Variants in EDIL3 observed in about 807,000 individuals in gnomAD.
EDIL3 encodes the protein EGF-like repeat and discoidin I-like domain-containing protein 3.
Under a neutral mutation model 67.4 loss-of-function variants are expected in EDIL3, and 37 were observed. That is an observed-to-expected ratio of 0.55 (90% CI 0.42 to 0.72). EDIL3 has a LOEUF of 0.72. Ranked by LOEUF, EDIL3 falls within the 30% of genes least tolerant of loss-of-function variation. The pLI is 0.00. For synonymous variants in EDIL3, 195 were observed against 196.3 expected, an observed-to-expected ratio of 0.99 and a Z score of 0.05; for missense variants, 527 against 586.3, an observed-to-expected ratio of 0.90 and a Z score of 1.04.
chr5:83,952,235 C>T (rs1744435480), intron 10 of EDIL3, among the ~76,000 whole-genome samples: 1 of 151,738 alleles, frequency 6.6e-6, no homozygotes. Context: ...ACCTTCCTTT[C>T]CCCAAGCTTG....
chr5:84,053,736 C>A lies in EDIL3; in HGVS notation c.1137+6564G>T, dbSNP rs1320353177. 2.6e-5 allele frequency among the ~76,000 whole-genome samples: 4 copies of A among 152,304 alleles called. No individual in the cohort carries two copies. In the East Asian group the frequency reaches 7.7e-4, roughly 29 times the overall value. On this transcript the variant is annotated intron_variant, in intron 9 of 10. Coordinates refer to ENST00000296591, the MANE Select transcript of EDIL3 (RefSeq NM_005711.5). The stretch of plus-strand genomic sequence containing the variant: ...AAATGGATAAATTCCTCAACACATA[C>A]ACTCTCCCAAGACTAAACCAGGAAG...
intron 9 of EDIL3, among the ~76,000 whole-genome samples, chr5:84,040,288 T>C (rs182402866): frequency 2.0e-5 from 3 of 152,256 alleles, no homozygotes; most frequent in Non-Finnish European, 4.4e-5. Context: ...CATCATGCAC[T>C]TACTTTACCC....
chr5:84,131,882 A>G (rs1226750624), intron 5 of EDIL3, among the ~76,000 whole-genome samples: 1 of 152,162 alleles, frequency 6.6e-6, no homozygotes, highest in Non-Finnish European at 1.5e-5. Context: ...AGCAATTTTC[A>G]GTGAACAAGT....
chr5:84,256,412 G>C (rs369631716), intron 1 of EDIL3, among the ~76,000 whole-genome samples: 1 of 152,196 alleles, frequency 6.6e-6, no homozygotes, highest in African/African-American at 2.4e-5. Context: ...TGTGGGACCA[G>C]TGGAGACTTT....
intron 1 of EDIL3, among the ~76,000 whole-genome samples, chr5:84,371,982 C>T (rs899662229): frequency 2.0e-5 from 3 of 151,854 alleles, no homozygotes; most frequent in Admixed American, 2.0e-4. Context: ...TTTATTAGTG[C>T]CAGAGATGGG....
chr5:84,162,878 GAAGC>G (rs1217707452), intron 4 of EDIL3, among the ~76,000 whole-genome samples: 1 of 152,118 alleles, frequency 6.6e-6, no homozygotes, highest in African/African-American at 2.4e-5. Flanking sequence ...GAAAGGCACT[GAAGC>G]AGCAGTCCAT....
At chr5:84,092,501 CTG>C (rs1257781806) in intron 6 of EDIL3, among the ~76,000 whole-genome samples, 4 of 152,250 alleles carry the variant, frequency 2.6e-5, no homozygotes, top group Non-Finnish European at 4.4e-5. Context: ...ATGCTAAAAA[CTG>C]TGTTAAAGTA....
At chr5:84,362,390 T>C (rs1442746702) in intron 1 of EDIL3, among the ~76,000 whole-genome samples, 4 of 152,176 alleles carry the variant, frequency 2.6e-5, no homozygotes, top group African/African-American at 7.2e-5. Flanking sequence ...TAAGATTTTC[T>C]GAATCAAATA....
chr5:84,118,821 A>G (rs959949213), intron 5 of EDIL3, among the ~76,000 whole-genome samples: 1 of 152,172 alleles, frequency 6.6e-6, no homozygotes, highest in Non-Finnish European at 1.5e-5. Flanking sequence ...AAAAATTCCA[A>G]TGCCAGGCCA....
chr5:84,115,356 T>C (rs563813859), intron 5 of EDIL3, among the ~76,000 whole-genome samples: 36 of 152,152 alleles, frequency 2.4e-4, no homozygotes, highest in Non-Finnish European at 4.4e-4. Flanking sequence ...TATGATATAT[T>C]ATCAGTTTAA....
At chr5:84,337,297 G>C (rs1909727) in intron 1 of EDIL3, among the ~76,000 whole-genome samples, 150,853 of 152,310 alleles carry the variant, frequency 0.99, 74,760 homozygotes, top group Non-Finnish European at 1. Context: ...AGAACTTGCT[G>C]TATCTAGGTA....
chr5:84,196,347 C>T (rs1342884322), intron 3 of EDIL3, among the ~76,000 whole-genome samples: 1 of 151,976 alleles, frequency 6.6e-6, no homozygotes, highest in Non-Finnish European at 1.5e-5. Flanking sequence ...TAAACCTTTG[C>T]TCAAAATCAC....
intron 6 of EDIL3, among the ~76,000 whole-genome samples, chr5:84,105,833 G>A (rs906579856): frequency 6.6e-6 from 1 of 151,926 alleles, no homozygotes; most frequent in African/African-American, 2.4e-5. Flanking sequence ...TCCTTCTCAG[G>A]CCTAGCTCAA....
intron 5 of EDIL3, among the ~76,000 whole-genome samples, chr5:84,118,024 G>A (rs1415914872): frequency 6.6e-6 from 1 of 152,038 alleles, no homozygotes; most frequent in Non-Finnish European, 1.5e-5. Context: ...TAACTTAATA[G>A]TCTTATGGAT....
intron 4 of EDIL3, among the ~76,000 whole-genome samples, chr5:84,178,958 T>A (rs1439817250): frequency 6.6e-6 from 1 of 152,214 alleles, no homozygotes; most frequent in Non-Finnish European, 1.5e-5. Context: ...TATAAGCTTG[T>A]CTGAATATAG....
At chr5:84,037,660 C>T (rs574350244) in intron 9 of EDIL3, among the ~76,000 whole-genome samples, 8 of 151,986 alleles carry the variant, frequency 5.3e-5, no homozygotes, top group Non-Finnish European at 8.8e-5. Flanking sequence ...TAATTAATGA[C>T]GTTATTTATA....
intron 3 of EDIL3, among the ~76,000 whole-genome samples, chr5:84,224,373 T>A (rs1475565614): frequency 1.3e-5 from 2 of 151,582 alleles, no homozygotes; most frequent in African/African-American, 4.8e-5. Context: ...TAAACTTGAT[T>A]TGCTACACCT....
At chr5:84,084,716 T>A (rs1747038780) in intron 6 of EDIL3, among the ~76,000 whole-genome samples, 1 of 152,164 alleles carries the variant, frequency 6.6e-6, no homozygotes, top group Non-Finnish European at 1.5e-5. Flanking sequence ...ACAGGAGAGA[T>A]CTTTGCACTT....
chr5:84,280,506 A>G (rs935484562), intron 1 of EDIL3, among the ~76,000 whole-genome samples: 6 of 152,144 alleles, frequency 3.9e-5, no homozygotes, highest in African/African-American at 1.4e-4. Context: ...ATCTGTGAAT[A>G]TATTTTTTAA....
Sources: gnomAD v4.1 joint callset for allele counts (sites outside exome capture counted in the v4.1 genomes callset) on GRCh38, gnomAD v4.1.1 for gene constraint, MANE v1.5 for transcripts, NCBI Gene and HGNC (gene_info 2026-07-23, HGNC 2026-07-21) for gene names.